Variants in MCTP1 observed in about 807,000 individuals in gnomAD.
MCTP1 encodes multiple C2 and transmembrane domain-containing protein 1.
A neutral mutation model predicts 120.6 loss-of-function variants in MCTP1; 69 were observed. The ratio of observed to expected loss-of-function variants is 0.57; its 90% CI spans 0.47 to 0.70. The LOEUF is 0.70. Among genes scored for constraint, MCTP1 ranks in the 30% least tolerant of loss-of-function variants. MCTP1 has a pLI of 0.00. For synonymous variants in MCTP1, 529 were observed against 493.1 expected, an observed-to-expected ratio of 1.07 and a Z score of -0.96; for missense variants, 1,203 against 1,248.8, an observed-to-expected ratio of 0.96 and a Z score of 0.55.
intron 19 of MCTP1, among the ~76,000 whole-genome samples, chr5:94,724,449 G>C (rs948617503): frequency 1.4e-5 from 2 of 145,400 alleles, no homozygotes; most frequent in Non-Finnish European, 3.0e-5. Context: ...ACAGGGTCTT[G>C]CTGTGTTGCC....
chr5:95,116,628 G>A (rs565952665), intron 1 of MCTP1, among the ~76,000 whole-genome samples: 1 of 151,890 alleles, frequency 6.6e-6, no homozygotes, highest in Non-Finnish European at 1.5e-5. Context: ...ACTTTGGGCA[G>A]TATGGCCATT....
chr5:95,252,792 A>AT (rs1443362768), intron 1 of MCTP1, among the ~76,000 whole-genome samples: 1 of 151,850 alleles, frequency 6.6e-6, no homozygotes, highest in African/African-American at 2.4e-5. Context: ...CTTAATTCTC[A>AT]TTTTTTCTGT....
At chr5:95,116,381 C>A (rs1383940680) in intron 1 of MCTP1, among the ~76,000 whole-genome samples, 4 of 152,028 alleles carry the variant, frequency 2.6e-5, no homozygotes, top group African/African-American at 9.7e-5. Context: ...TAAATGGAAA[C>A]AACAAAAGGT....
intron 1 of MCTP1, among the ~76,000 whole-genome samples, chr5:95,168,299 C>A (rs1375438875): frequency 4.6e-5 from 7 of 152,132 alleles, no homozygotes; most frequent in African/African-American, 9.7e-5. Context: ...GTTACTGTAG[C>A]CTTGTAGTGT....
intron 3 of MCTP1, among the ~76,000 whole-genome samples, chr5:94,943,796 G>T (rs1390768069): frequency 6.6e-6 from 1 of 151,706 alleles, no homozygotes; most frequent in African/African-American, 2.4e-5. Context: ...AAAAAAAAAC[G>T]CTACCAGATG....
chr5:95,115,147 C>T (rs536381915), intron 1 of MCTP1, among the ~76,000 whole-genome samples: 2 of 152,054 alleles, frequency 1.3e-5, no homozygotes, highest in South Asian at 4.2e-4. Flanking sequence ...AAAGTCCTCC[C>T]AAGAAGCATG....
chr5:95,284,014 C>T lies in MCTP1; in HGVS notation c.562G>A (p.Gly188Ser). The part of the protein sequence containing the change: ...RARDEGARRQ[G>S]PGAHLCHQKS... ...TGGTGGCACAAGTGCGCCCCGGGGCCCTGACGCCGTGCACCCTCATCTCGG... is the reference window on the plus strand; with the variant it reads ...TGGTGGCACAAGTGCGCCCCGGGGCTCTGACGCCGTGCACCCTCATCTCGG... Residue 188 changes from glycine to serine, a missense_variant, in exon 1 of 23, where the codon GGC becomes AGC. This residue lies in a region of MCTP1 where 463 missense variants were observed against 377.8 expected (regional missense o/e 1.23). Coordinates refer to ENST00000515393, the MANE Select transcript of MCTP1 (RefSeq NM_024717.7). The surrounding 1 kb of genome is among the most constrained non-coding windows in gnomAD (Gnocchi z 5.2). 1 of 1,486,316 alleles carries T rather than the reference C, an allele frequency of 6.7e-7. No homozygotes were observed. Among genetic ancestry groups the T allele is most frequent in the Non-Finnish European group, 8.9e-7 (1 of 1,121,068 alleles). 92.1% of individuals were successfully genotyped at this position (1,486,316 alleles called of 1,614,324 possible). A position where few individuals can be genotyped will look rare whatever the true frequency, so the allele number is the denominator to read the frequency against.
chr5:94,824,444 G>C (rs1414664897), intron 17 of MCTP1, among the ~76,000 whole-genome samples: 1 of 152,156 alleles, frequency 6.6e-6, no homozygotes, highest in Admixed American at 6.5e-5. Flanking sequence ...GATTCGTTTT[G>C]CCAGTATTTT....
intron 17 of MCTP1, among the ~76,000 whole-genome samples, chr5:94,834,607 G>A (rs1290761433): frequency 3.3e-5 from 5 of 152,144 alleles, no homozygotes; most frequent in Non-Finnish European, 5.9e-5. Flanking sequence ...ACCAGGAACA[G>A]TAGGCAGTGG....
intron 1 of MCTP1, among the ~76,000 whole-genome samples, chr5:95,259,965 T>A (rs894704604): frequency 2.0e-5 from 3 of 152,046 alleles, no homozygotes; most frequent in African/African-American, 7.3e-5. Flanking sequence ...CAAGGAGGGG[T>A]TTGTGCCTGA....
chr5:95,237,050 T>C (rs964295220), intron 1 of MCTP1, among the ~76,000 whole-genome samples: 8 of 152,170 alleles, frequency 5.3e-5, no homozygotes, highest in African/African-American at 1.9e-4. Context: ...CCCAGAAAGT[T>C]CCCAGGAATG....
chr5:95,105,536 C>G (rs1189394164), intron 1 of MCTP1, among the ~76,000 whole-genome samples: 1 of 152,068 alleles, frequency 6.6e-6, no homozygotes, highest in Non-Finnish European at 1.5e-5. Flanking sequence ...GTCCTAGGAA[C>G]TTTTGCCAAG....
intron 1 of MCTP1, among the ~76,000 whole-genome samples, chr5:95,177,994 G>A (rs951482095): frequency 2.6e-5 from 4 of 152,194 alleles, no homozygotes; most frequent in African/African-American, 7.2e-5. Flanking sequence ...TTTTGAGAAT[G>A]GGGAAACTCT....
At chr5:94,751,217 T>C (rs915401480) in intron 19 of MCTP1, among the ~76,000 whole-genome samples, 2 of 152,042 alleles carry the variant, frequency 1.3e-5, no homozygotes, top group East Asian at 1.9e-4. Flanking sequence ...CCTTTAGTAA[T>C]AGAAAAAATG....
At chr5:94,889,748 C>T (rs1010415213) in intron 11 of MCTP1, among the ~76,000 whole-genome samples, 1 of 102,266 alleles carries the variant, frequency 9.8e-6, no homozygotes, top group Non-Finnish European at 2.2e-5. Flanking sequence ...CATGAATGTA[C>T]ACCACACACA....
chr5:94,996,391 T>A (rs1369733831), intron 2 of MCTP1, among the ~76,000 whole-genome samples: 1 of 152,190 alleles, frequency 6.6e-6, no homozygotes, highest in African/African-American at 2.4e-5. Context: ...TGCTATTTCA[T>A]TAGGATTCCT....
At chr5:94,786,482 G>A (rs566816442) in intron 18 of MCTP1, among the ~76,000 whole-genome samples, 76 of 152,040 alleles carry the variant, frequency 5.0e-4, no homozygotes, top group African/African-American at 1.6e-3. Context: ...ACCTACATTT[G>A]GACTGAAAAG....
intron 1 of MCTP1, among the ~76,000 whole-genome samples, chr5:95,141,270 A>T (rs571761166): frequency 1.3e-5 from 2 of 152,360 alleles, no homozygotes; most frequent in East Asian, 3.9e-4. Context: ...AGTTACAGAC[A>T]TTTAAAAGAA....
intron 17 of MCTP1, among the ~76,000 whole-genome samples, chr5:94,859,990 A>C (rs1795448110): frequency 1.3e-5 from 2 of 151,738 alleles, no homozygotes; most frequent in Admixed American, 6.6e-5. Context: ...AGAATGATTT[A>C]ACTATGGAAA....
Sources: gnomAD v4.1 joint callset for allele counts (sites outside exome capture counted in the v4.1 genomes callset) on GRCh38, gnomAD v4.1.1 for gene constraint, gnomAD v4.1.1 regional missense constraint, Gnocchi (gnomAD v3.1) non-coding constraint, MANE v1.5 for transcripts, NCBI Gene and HGNC (gene_info 2026-07-23, HGNC 2026-07-21) for gene names.